Variants in DSCAML1 observed in about 807,000 individuals in gnomAD.
DSCAML1 encodes cell adhesion molecule DSCAML1.
Under a neutral mutation model 200.5 loss-of-function variants are expected in DSCAML1, and 38 were observed. That is an observed-to-expected ratio of 0.19 (90% CI 0.15 to 0.25). DSCAML1 has a LOEUF of 0.25. Ranked by LOEUF, DSCAML1 falls within the 10% of genes least tolerant of loss-of-function variation. The probability of loss-of-function intolerance (pLI) is 1.00; values close to 1 mark genes in which losing one functional copy is unlikely to be tolerated. For missense variants in DSCAML1, 2,223 were observed against 2,858.8 expected, an observed-to-expected ratio of 0.78 and a Z score of 5.07; for synonymous variants, 1,215 against 1,165.0, an observed-to-expected ratio of 1.04 and a Z score of -0.87.
chr11:117,721,318 G>C (rs2054037420), intron 3 of DSCAML1, among the ~76,000 whole-genome samples: 1 of 152,206 alleles, frequency 6.6e-6, no homozygotes, highest in Non-Finnish European at 1.5e-5. Flanking sequence ...CACGTGTCCT[G>C]AGTCTTCCTT....
At chr11:117,648,165 C>G (rs2052557839) in intron 3 of DSCAML1, among the ~76,000 whole-genome samples, 1 of 152,210 alleles carries the variant, frequency 6.6e-6, no homozygotes, top group Non-Finnish European at 1.5e-5. Context: ...GCACTCATTC[C>G]CCCATCTCAG....
intron 32 of DSCAML1, among the ~76,000 whole-genome samples, chr11:117,429,107 G>A (rs1481457446): frequency 6.6e-6 from 1 of 152,182 alleles, no homozygotes; most frequent in Non-Finnish European, 1.5e-5. Flanking sequence ...CCCAGTACAT[G>A]GATGCTTGTT....
intron 18 of DSCAML1, among the ~76,000 whole-genome samples, chr11:117,459,685 T>G (rs1225122137): frequency 2.0e-5 from 3 of 151,294 alleles, no homozygotes; most frequent in Non-Finnish European, 3.0e-5. Context: ...GGGGCCAGAG[T>G]TGTAAGAGGA....
intron 3 of DSCAML1, among the ~76,000 whole-genome samples, chr11:117,667,390 T>C (rs1375039711): frequency 4.6e-5 from 7 of 152,126 alleles, no homozygotes; most frequent in Admixed American, 4.6e-4. Flanking sequence ...CCAGCCTGGG[T>C]GACAGAGACT....
At chr11:117,556,865 G>C (rs1194108756) in intron 3 of DSCAML1, among the ~76,000 whole-genome samples, 1 of 152,208 alleles carries the variant, frequency 6.6e-6, no homozygotes, top group Admixed American at 6.5e-5. Flanking sequence ...CCGCCGACAT[G>C]CCCACATCTT....
At chr11:117,659,842 C>T (rs1565857662) in intron 3 of DSCAML1, among the ~76,000 whole-genome samples, 1 of 152,172 alleles carries the variant, frequency 6.6e-6, no homozygotes, top group African/African-American at 2.4e-5. Context: ...CCTCAGCCTC[C>T]CGAGTAGCTG....
At chr11:117,803,746 A>G (rs944692452) in intron 1 of DSCAML1, among the ~76,000 whole-genome samples, 2 of 152,206 alleles carry the variant, frequency 1.3e-5, no homozygotes, top group Non-Finnish European at 1.5e-5. Flanking sequence ...TATGTCAATC[A>G]TGTATTTGTA....
chr11:117,554,825 C>T (rs12805320), intron 3 of DSCAML1, among the ~76,000 whole-genome samples: 15,126 of 152,148 alleles, frequency 0.099, 921 homozygotes, highest in African/African-American at 0.14. Context: ...ACTGCCAGTC[C>T]CCAGACTCCT....
intron 3 of DSCAML1, among the ~76,000 whole-genome samples, chr11:117,700,792 C>G (rs1372639700): frequency 6.6e-6 from 1 of 152,112 alleles, no homozygotes; most frequent in Non-Finnish European, 1.5e-5. Context: ...GGGGGCTTCC[C>G]CTCCGCCCAG....
rs146197372 is a variant in DSCAML1, at chr11:117,453,999, C to T, written c.3569-3311G>A. Among the ~76,000 whole-genome samples, 69 of 152,284 alleles carry T rather than the reference C, an allele frequency of 4.5e-4. No individual in the cohort carries two copies. The East Asian group carries it at 9.6e-3, about 21-fold the overall frequency. On this transcript the variant is annotated intron_variant, in intron 19 of 32. Coordinates refer to ENST00000651296, the MANE Select transcript of DSCAML1 (RefSeq NM_020693.4). ...CCTCATGATCGACCCGCCTCAGCCT[C>T]CCAAAGTGCAGATTTTTTAAATGTG...
At chr11:117,537,773 C>A (rs550791413) in intron 3 of DSCAML1, among the ~76,000 whole-genome samples, 1 of 152,146 alleles carries the variant, frequency 6.6e-6, no homozygotes, top group Non-Finnish European at 1.5e-5. Flanking sequence ...GGAGGATGCA[C>A]GTAACAGCAA....
Position 117,435,569 on chromosome 11 carries a change from A to G in DSCAML1, c.4876+75T>C, listed in dbSNP as rs773692831. The G allele has an allele frequency of 3.1e-4, 456 of 1,494,834 alleles. 1 individual carries two copies. The highest frequency in any genetic ancestry group is 3.9e-4 in the Non-Finnish European group (426 of 1,103,520). 92.6% of individuals were successfully genotyped at this position (1,494,834 alleles called of 1,614,324 possible). A position where few individuals can be genotyped will look rare whatever the true frequency, so the allele number is the denominator to read the frequency against. On this transcript the variant is annotated intron_variant, in intron 27 of 32. Coordinates refer to ENST00000651296, the MANE Select transcript of DSCAML1 (RefSeq NM_020693.4). ...TCTGTATCATCCAGATGGTGCTGTG[A>G]GCCAGGGAAGGGGGGGGACAATGTG...
chr11:117,486,886 GAAAA>G, intron 11 of DSCAML1, among the ~76,000 whole-genome samples: 1 of 120,444 alleles, frequency 8.3e-6, no homozygotes, highest in East Asian at 2.4e-4. Context: ...AATGTAGGAA[GAAAA>G]AAAAAAAGAA....
At chr11:117,531,938 AGGAG>A (rs59560691) in intron 4 of DSCAML1, among the ~76,000 whole-genome samples, 26,361 of 82,082 alleles carry the variant, frequency 0.32, 4,227 homozygotes, top group African/African-American at 0.43. Context: ...GGGAGGAGGG[AGGAG>A]GGAGGGAGGG....
chr11:117,511,695 C>T (rs1051752305), intron 8 of DSCAML1, among the ~76,000 whole-genome samples: 4 of 152,216 alleles, frequency 2.6e-5, no homozygotes, highest in African/African-American at 9.6e-5. Flanking sequence ...TTTACTGGAA[C>T]ACAGCAGGCT....
At chr11:117,488,948 G>T (rs1178853311) in intron 11 of DSCAML1, among the ~76,000 whole-genome samples, 3 of 152,226 alleles carry the variant, frequency 2.0e-5, no homozygotes, top group African/African-American at 7.2e-5. Context: ...GCATGCCCAG[G>T]TTCCCCTGAC....
At chr11:117,774,724 C>T (rs895964285) in intron 3 of DSCAML1, among the ~76,000 whole-genome samples, 2 of 152,262 alleles carry the variant, frequency 1.3e-5, no homozygotes, top group African/African-American at 4.8e-5. Flanking sequence ...TTATTGGATA[C>T]ATTTATACGG....
chr11:117,496,124 G>A (rs918389437), intron 11 of DSCAML1, among the ~76,000 whole-genome samples: 3 of 152,144 alleles, frequency 2.0e-5, no homozygotes, highest in African/African-American at 7.2e-5. Flanking sequence ...TGTCCACCTT[G>A]GGTTTTTCCT....
intron 1 of DSCAML1, among the ~76,000 whole-genome samples, chr11:117,809,300 G>A (rs2055736284): frequency 6.6e-6 from 1 of 152,242 alleles, no homozygotes; most frequent in Admixed American, 6.5e-5. Flanking sequence ...AGTGCAGTGT[G>A]GGAAGGGTGG....
Sources: gnomAD v4.1 joint callset for allele counts (sites outside exome capture counted in the v4.1 genomes callset) on GRCh38, gnomAD v4.1.1 for gene constraint, MANE v1.5 for transcripts, NCBI Gene and HGNC (gene_info 2026-07-23, HGNC 2026-07-21) for gene names.